CTNNA2: variants seen among roughly 807,000 people sequenced by gnomAD.
CTNNA2 encodes the protein catenin alpha 2.
CTNNA2 carries 42 observed loss-of-function variants against 101.0 expected under a neutral mutation model. The ratio of observed to expected loss-of-function variants is 0.42; its 90% CI spans 0.32 to 0.54. CTNNA2 has a LOEUF of 0.54. Ranked by LOEUF, CTNNA2 falls within the 20% of genes least tolerant of loss-of-function variation. The pLI, the probability that CTNNA2 is intolerant of heterozygous loss-of-function variation, is 0.14. For synonymous variants in CTNNA2, 450 were observed against 456.4 expected, an observed-to-expected ratio of 0.99 and a Z score of 0.18; for missense variants, 871 against 1,223.1, an observed-to-expected ratio of 0.71 and a Z score of 4.29.
At chr2:80,560,670 T>G (rs192215827) in intron 12 of CTNNA2, among the ~76,000 whole-genome samples, 1 of 152,270 alleles carries the variant, frequency 6.6e-6, no homozygotes, top group African/African-American at 2.4e-5. Context: ...GCAACGTTCT[T>G]CATCTCCTCC....
chr2:79,874,594 G>C (rs934507083), intron 6 of CTNNA2, among the ~76,000 whole-genome samples: 1 of 152,188 alleles, frequency 6.6e-6, no homozygotes, highest in Non-Finnish European at 1.5e-5. Flanking sequence ...GCCGAGGTGG[G>C]TGGATCACCT....
intron 2 of CTNNA2, among the ~76,000 whole-genome samples, chr2:79,652,714 G>A (rs1288897272): frequency 6.6e-6 from 1 of 152,070 alleles, no homozygotes; most frequent in African/African-American, 2.4e-5. Flanking sequence ...AGTTTCCAGG[G>A]ATTTGGATGG....
At chr2:79,727,689 T>C (rs1686934441) in intron 2 of CTNNA2, among the ~76,000 whole-genome samples, 1 of 150,670 alleles carries the variant, frequency 6.6e-6, no homozygotes, top group Admixed American at 6.6e-5. Context: ...AACTCGTCAT[T>C]TAGCATTAGG....
At chr2:79,844,455 G>C (rs1680050459) in intron 3 of CTNNA2, among the ~76,000 whole-genome samples, 1 of 152,154 alleles carries the variant, frequency 6.6e-6, no homozygotes, top group Non-Finnish European at 1.5e-5. Context: ...AATATTTCCT[G>C]ACGTTTTGGA....
At chr2:79,376,980 T>C (rs987105757) in intron 4 of CTNNA2, among the ~76,000 whole-genome samples, 2 of 152,134 alleles carry the variant, frequency 1.3e-5, no homozygotes, top group Non-Finnish European at 2.9e-5. Flanking sequence ...GCATGTTTTA[T>C]AATCCTTTGG....
chr2:79,541,526 A>G (rs180757928), intron 1 of CTNNA2, among the ~76,000 whole-genome samples: 1,761 of 151,674 alleles, frequency 0.012, 22 homozygotes, highest in Non-Finnish European at 0.017. Flanking sequence ...TATTTGCCAT[A>G]TAGCCCAAAT....
intron 1 of CTNNA2, among the ~76,000 whole-genome samples, chr2:79,521,294 A>T (rs1450978382): frequency 6.6e-6 from 1 of 151,852 alleles, no homozygotes; most frequent in Non-Finnish European, 1.5e-5. Context: ...TCTGCTTTCT[A>T]CATTTCTCTT....
intron 7 of CTNNA2, among the ~76,000 whole-genome samples, chr2:80,252,318 T>C (rs1245486824): frequency 6.6e-6 from 1 of 151,104 alleles, no homozygotes; most frequent in South Asian, 2.1e-4. Flanking sequence ...ATAATTTAAA[T>C]ACTTACCCGT....
At chr2:79,601,207 TAA>T (rs1457386723) in intron 1 of CTNNA2, among the ~76,000 whole-genome samples, 1 of 152,206 alleles carries the variant, frequency 6.6e-6, no homozygotes, top group African/African-American at 2.4e-5. Context: ...TTCTTATGTA[TAA>T]GACTACTCTT....
intron 3 of CTNNA2, among the ~76,000 whole-genome samples, chr2:79,749,826 A>G (rs537002955): frequency 6.6e-6 from 1 of 152,238 alleles, no homozygotes; most frequent in Non-Finnish European, 1.5e-5. Flanking sequence ...GGGATTAAAA[A>G]AACGCTAAAT....
chr2:80,079,707 G>A (rs1029316519), intron 7 of CTNNA2, among the ~76,000 whole-genome samples: 16 of 151,732 alleles, frequency 1.1e-4, no homozygotes, highest in Admixed American at 3.3e-4. Context: ...ACAGCTACTC[G>A]GGAGGCTGAG....
intron 3 of CTNNA2, among the ~76,000 whole-genome samples, chr2:79,807,067 C>T (rs1326524141): frequency 6.6e-6 from 1 of 152,124 alleles, no homozygotes; most frequent in Admixed American, 6.5e-5. Flanking sequence ...CTCCTTCACT[C>T]TTACACTTCC....
intron 8 of CTNNA2, among the ~76,000 whole-genome samples, chr2:80,414,625 A>G (rs1238016367): frequency 6.6e-6 from 1 of 152,194 alleles, no homozygotes; most frequent in African/African-American, 2.4e-5. Flanking sequence ...TTGAGGACGT[A>G]TGACCCAGAG....
chr2:80,141,368 G>A (rs1276209408), intron 7 of CTNNA2, among the ~76,000 whole-genome samples: 1 of 152,026 alleles, frequency 6.6e-6, no homozygotes, highest in African/African-American at 2.4e-5. Context: ...AGCAGAGGAT[G>A]AGGTTTAACA....
intron 4 of CTNNA2, among the ~76,000 whole-genome samples, chr2:79,443,220 G>A (rs539092965): frequency 1.9e-4 from 29 of 152,226 alleles, no homozygotes; most frequent in African/African-American, 6.7e-4. Context: ...TCTGCAAGCT[G>A]GAGACCTAAG....
chr2:80,268,523 C>A (rs1236841234), intron 7 of CTNNA2, among the ~76,000 whole-genome samples: 1 of 152,042 alleles, frequency 6.6e-6, no homozygotes, highest in Non-Finnish European at 1.5e-5. Context: ...CATTTGGAGA[C>A]AAATGACAAG....
At chr2:79,294,582 A>G (rs1316470661) in intron 2 of CTNNA2, among the ~76,000 whole-genome samples, 1 of 152,174 alleles carries the variant, frequency 6.6e-6, no homozygotes, top group Admixed American at 6.5e-5. Flanking sequence ...TTCACATGGT[A>G]CTAACAAGAT....
chr2:79,738,728 T>C lies in CTNNA2; in HGVS notation c.103-5659T>C, dbSNP rs139995575. On this transcript the variant is annotated intron_variant, in intron 2 of 18. Transcript: ENST00000402739. ...AAAATGATTTGATTTTAGCAACCTG[T>C]TAACTAACAAGAGGACTCTGCTACA... is the stretch of plus-strand genomic sequence containing the variant. 3.8e-3 allele frequency among the ~76,000 whole-genome samples: 585 copies of C among 152,336 alleles called. 5 individuals carry two copies. Among genetic ancestry groups the C allele is most frequent in the African/African-American group, 0.013 (557 of 41,582 alleles).
At chr2:79,916,222 C>A (rs752450973) in intron 7 of CTNNA2, among the ~76,000 whole-genome samples, 2 of 152,094 alleles carry the variant, frequency 1.3e-5, no homozygotes, top group Admixed American at 1.3e-4. Flanking sequence ...CAATCGAGAT[C>A]GAATGTTGCC....
Sources: allele counts gnomAD v4.1 joint callset (sites outside exome capture counted in the v4.1 genomes callset), GRCh38; gene constraint gnomAD v4.1.1; transcripts MANE v1.5; gene names NCBI Gene and HGNC (gene_info 2026-07-23, HGNC 2026-07-21).